The following POLA2 variants were observed in gnomAD, a reference collection of about 807,000 sequenced individuals.
POLA2 encodes the protein DNA polymerase alpha subunit B.
A neutral mutation model predicts 82.8 loss-of-function variants in POLA2; 47 were observed. The ratio of observed to expected loss-of-function variants is 0.57; its 90% confidence interval spans 0.45 to 0.72. The LOEUF (loss-of-function observed/expected upper bound fraction) is 0.72, where lower values mean the gene tolerates loss of function less well. POLA2 is among the 30% of genes least tolerant of loss of function. The pLI is 0.00. For synonymous variants in POLA2, 287 were observed against 286.8 expected (o/e 1.00, Z -0.01); for missense variants, 634 against 728.1 (o/e 0.87, Z 1.49).
intron 4 of POLA2, among the ~76,000 whole-genome samples, chr11:65,269,375 T>C (rs1184297041): frequency 6.6e-6 from 1 of 151,382 alleles, no homozygotes; most frequent in Non-Finnish European, 1.5e-5. Flanking sequence ...TAGTCCCAGC[T>C]ACTTGGGAGG....
downstream of POLA2, among the ~76,000 whole-genome samples, chr11:65,299,413 G>A (rs1004165536): frequency 2.6e-5 from 4 of 152,246 alleles, no homozygotes; most frequent in African/African-American, 9.6e-5. Context: ...CAGTCTCTGA[G>A]AGGGAGAGGG....
intron 13 of POLA2, among the ~76,000 whole-genome samples, chr11:65,291,007 G>A (rs1000719672): frequency 6.6e-6 from 1 of 152,258 alleles, no homozygotes; most frequent in Admixed American, 6.5e-5. Flanking sequence ...TTACAGCAGT[G>A]ATGAGAGAGC....
rs1949823846 is a variant in POLA2, at chr11:65,297,394, G to A, written c.*125G>A. On this transcript the variant is annotated 3_prime_UTR_variant, in exon 18 of 18. Transcript: ENST00000265465. ...GGAGAGAGGAGCCAGCCAGGGAGGG[G>A]CAGCTGCAGTGACCAGGCCCAGCAG... The A allele has an allele frequency of 2.6e-6, 3 of 1,166,106 alleles. No homozygotes were observed. The highest frequency in any genetic ancestry group is 3.5e-6 in the Non-Finnish European group (3 of 865,540). The allele number at this position is 1,166,106 out of a possible 1,614,324, so 72.2% of individuals were successfully genotyped here. A position where few individuals can be genotyped will look rare whatever the true frequency, so the allele number is the denominator to read the frequency against.
intron 8 of POLA2, chr11:65,305,287 T>C (rs1020999864): frequency 7.9e-5 from 35 of 444,842 alleles, no homozygotes; most frequent in South Asian, 4.5e-4. Flanking sequence ...CATGTGGCTC[T>C]TAAGCAAATG....
chr11:65,274,432 C>T (rs1433205959), intron 4 of POLA2, among the ~76,000 whole-genome samples: 1 of 151,294 alleles, frequency 6.6e-6, no homozygotes, highest in Admixed American at 6.6e-5. Flanking sequence ...GTAATTCCAG[C>T]ATTTTGGGAG....
At chr11:65,278,430 G>T (rs1371114055) in intron 5 of POLA2, among the ~76,000 whole-genome samples, 2 of 152,092 alleles carry the variant, frequency 1.3e-5, no homozygotes, top group African/African-American at 4.8e-5. Flanking sequence ...TCAGAATCTG[G>T]GGATCTTTTT....
intron 11 of POLA2, among the ~76,000 whole-genome samples, chr11:65,288,436 A>G (rs1448962809): frequency 6.6e-6 from 1 of 151,682 alleles, no homozygotes; most frequent in African/African-American, 2.4e-5. Flanking sequence ...TATTATTAGT[A>G]TGGTGATCAA....
chr11:65,284,607 C>T (rs1949676433), intron 10 of POLA2, among the ~76,000 whole-genome samples: 1 of 151,580 alleles, frequency 6.6e-6, no homozygotes, highest in African/African-American at 2.4e-5. Context: ...CTCACCGCAA[C>T]CTCCACCTCC....
chr11:65,277,656 A>C (rs925943444), intron 5 of POLA2, among the ~76,000 whole-genome samples: 1 of 152,224 alleles, frequency 6.6e-6, no homozygotes, highest in Non-Finnish European at 1.5e-5. Context: ...CCAAATGTCA[A>C]TACAATGCTC....
chr11:65,279,675 T>C (rs1402351424), intron 7 of POLA2, 49 bp downstream of exon 7: 1 of 1,306,440 alleles, frequency 7.7e-7, no homozygotes, highest in Non-Finnish European at 1.1e-6. Flanking sequence ...CGTTTTTAAA[T>C]CGATGACCAA....
At chr11:65,291,981 A>G (rs912239220) in intron 13 of POLA2, among the ~76,000 whole-genome samples, 3 of 152,244 alleles carry the variant, frequency 2.0e-5, no homozygotes, top group Non-Finnish European at 2.9e-5. Context: ...GCTCACGCCT[A>G]TAATCCCAGC....
intron 13 of POLA2, among the ~76,000 whole-genome samples, chr11:65,293,899 C>T (rs1320203210): frequency 1.3e-5 from 2 of 152,198 alleles, no homozygotes; most frequent in Admixed American, 6.5e-5. Context: ...TAGAAAGCCA[C>T]ACAGAGCAAC....
At chr11:65,264,089 G>C (rs781127197) in intron 1 of POLA2, among the ~76,000 whole-genome samples, 2 of 151,924 alleles carry the variant, frequency 1.3e-5, no homozygotes, top group Non-Finnish European at 2.9e-5. Flanking sequence ...TTTGTTTTTT[G>C]AGATGGAGTT....
At chr11:65,290,835 TGTAA>T (rs1448850530) in intron 13 of POLA2, among the ~76,000 whole-genome samples, 1 of 152,234 alleles carries the variant, frequency 6.6e-6, no homozygotes, top group South Asian at 2.1e-4. Context: ...CATCTTGTTG[TGTAA>T]GTGATTGTAT....
intron 13 of POLA2, among the ~76,000 whole-genome samples, chr11:65,293,213 C>T (rs1047735210): frequency 6.6e-6 from 1 of 151,852 alleles, no homozygotes; most frequent in African/African-American, 2.4e-5. Flanking sequence ...AGGGAGAGGC[C>T]GCTTGGGCTT....
At chr11:65,279,491 G>C (rs750575561) in intron 6 of POLA2, 47 bp from the exon 7 acceptor site, 1 of 1,251,412 alleles carries the variant, frequency 8.0e-7, no homozygotes, top group South Asian at 1.3e-5. Flanking sequence ...TTCTTGGCAA[G>C]TGAAATGTCT....
intron 5 of POLA2, among the ~76,000 whole-genome samples, chr11:65,278,312 C>T (rs41541317): frequency 0.01 from 1,574 of 152,252 alleles, 29 homozygotes; most frequent in African/African-American, 0.036. Flanking sequence ...TATATATGCT[C>T]AGCAAGTTTT....
Position 65,275,504 on chromosome 11 carries a change from C to T in POLA2, c.355-388C>T, listed in dbSNP as rs918727140. Among the ~76,000 whole-genome samples the T allele has an allele frequency of 2.1e-4, 32 of 152,288 alleles. No individual in the cohort carries two copies. The East Asian group carries it at 6.2e-3, about 29-fold the overall frequency. On this transcript the variant is annotated intron_variant, in intron 4 of 17. Transcript: ENST00000265465. ...TTTGCCAAAGTAAGTAGTAATGTCC[C>T]ATTCCTTCTCAGGAAAATGTGTACA...
downstream of POLA2, among the ~76,000 whole-genome samples, chr11:65,300,801 C>G (rs187709104): frequency 2.0e-5 from 3 of 152,084 alleles, no homozygotes; most frequent in Admixed American, 1.3e-4. Context: ...AGGCTGGTCT[C>G]GAACCACTGA....
Sources: gnomAD v4.1 joint callset for allele counts (sites outside exome capture counted in the v4.1 genomes callset) on GRCh38, gnomAD v4.1.1 for gene constraint, MANE v1.5 for transcripts, NCBI Gene and HGNC (gene_info 2026-07-23, HGNC 2026-07-21) for gene names.